The following MSH6 variants were observed in gnomAD, a reference collection of about 807,000 sequenced individuals.
MSH6 encodes the protein DNA mismatch repair protein Msh6.
A neutral mutation model predicts 119.1 loss-of-function variants in MSH6; 85 were observed. The ratio of observed to expected loss-of-function variants is 0.71; its 90% CI spans 0.60 to 0.85. The LOEUF is 0.85. MSH6 is among the 40% of genes least tolerant of loss of function. MSH6 has a pLI of 0.00. For synonymous variants in MSH6, 830 were observed against 586.9 expected, an observed-to-expected ratio of 1.41 and a Z score of -5.99; for missense variants, 2,163 against 1,655.3, an observed-to-expected ratio of 1.31 and a Z score of -5.32.
intron 4 of MSH6, among the ~76,000 whole-genome samples, chr2:47,801,618 C>T (rs887463358): frequency 6.6e-6 from 1 of 151,918 alleles, no homozygotes; most frequent in African/African-American, 2.4e-5. Context: ...ATCCTCCTGC[C>T]TCGGCTTCCC....
rs587781482 is a variant in MSH6 at position 47,805,661 on chromosome 2, A to T, written c.3600A>T (p.Ile1200=). The T allele has an allele frequency of 6.2e-7, 1 of 1,613,714 alleles. No individual in the cohort carries two copies. Among genetic ancestry groups the T allele is most frequent in the Non-Finnish European group, 8.5e-7 (1 of 1,179,828 alleles). ...TTGAATTAAGTGAAACTGCCAGCATACTCATGCATGCAACAGCACATTCTC... is the reference window on the plus strand; with the variant it reads ...TTGAATTAAGTGAAACTGCCAGCATTCTCATGCATGCAACAGCACATTCTC... ...FFVELSETAS[I]LMHATAHSLV... is the part of the protein sequence containing the mutation. Residue 1200 remains isoleucine, a synonymous_variant, in exon 7 of 10, where the codon ATA becomes ATT. Transcript: ENST00000234420.
In MSH6 at chr2:47,783,309, A is replaced by G. The variant is rs757622849; in HGVS notation, c.76A>G (p.Arg26Gly). 1.2e-6 allele frequency: 2 copies of G among 1,611,920 alleles called. No homozygotes were observed. The highest frequency in any genetic ancestry group is 1.3e-5 in the African/African-American group (1 of 74,904). The stretch of plus-strand genomic sequence containing the variant: ...GAGTGATGCCAACAAGGCCTCGGCC[A>G]GGGCCTCACGCGAAGGCGGCCGTGC... ...ALSDANKASARASREGGRAAA... is the reference protein window; with the variant it reads ...ALSDANKASAGASREGGRAAA... Residue 26 changes from arginine to glycine, a missense_variant, in exon 1 of 10, where the codon AGG becomes GGG. Physicochemically the swap from Arg to Gly is moderately radical, Grantham distance 125. Transcript: ENST00000234420.
downstream of MSH6, chr2:47,809,543 T>C: frequency 7.8e-7 from 1 of 1,277,988 alleles, no homozygotes; most frequent in Admixed American, 2.0e-5. Context: ...AAACGGCTTC[T>C]GATTATCTTT....
intron 4 of MSH6, 125 bp downstream of exon 4, chr2:47,801,280 T>G (rs2104446321): frequency 9.8e-7 from 1 of 1,025,056 alleles, no homozygotes; most frequent in Non-Finnish European, 1.5e-6. Context: ...TATACATATT[T>G]GCATCCTGAC....
rs1553330580 is a variant in MSH6 at position 47,801,386 on chromosome 2, T to TG, written c.3172+232dup. 3.5e-5 allele frequency: 17 copies of TG among 490,924 alleles called. 1 individual carries two copies. Among genetic ancestry groups the TG allele is most frequent in the African/African-American group, 2.9e-4 (14 of 47,554 alleles). The allele number at this position is 490,924 out of a possible 1,614,324, so 30.4% of individuals were successfully genotyped here. Reference sequence around the variant, plus strand: ...GTTTTTTTTTTTTTTTTTTTTTTTTTGAGACATGGTCTTGCTCTGTTGCCC... The same window carrying TG: ...GTTTTTTTTTTTTTTTTTTTTTTTTTGGAGACATGGTCTTGCTCTGTTGCCC... On this transcript the variant is annotated intron_variant, in intron 4 of 9. Coordinates refer to ENST00000234420, the MANE Select transcript of MSH6 (RefSeq NM_000179.3).
At chr2:47,789,080 T>G (rs1327321286) in intron 1 of MSH6, among the ~76,000 whole-genome samples, 1 of 151,066 alleles carries the variant, frequency 6.6e-6, no homozygotes, top group Non-Finnish European at 1.5e-5. Context: ...CCTCTGCCAC[T>G]GCACTTGGCT....
rs1060502935 is a variant in MSH6 at position 47,799,967 on chromosome 2, A to G, written c.1984A>G (p.Met662Val). Residue 662 changes from methionine (M) to valine (V), a missense_variant, in exon 4 of 10, where the codon ATG becomes GTG. Met to Val is a conservative substitution (Grantham distance 21). Transcript: ENST00000234420. ...GATGTTACCCCAGGTGCTTAAAGGT[A>G]TGACTTCAGAGTCTGATTCCATTGG... ...GVMLPQVLKG[M>V]TSESDSIGLT... 4 of 1,614,154 alleles carry G rather than the reference A, an allele frequency of 2.5e-6. No homozygotes were observed. The highest frequency in any genetic ancestry group is 2.5e-6 in the Non-Finnish European group (3 of 1,180,034).
At position 47,788,946 on chromosome 2, in the gene MSH6, T is replaced by TTTTTTTTTTTTTTTTTG. The variant is rs1553409740; in HGVS notation, c.261-1980_261-1979insTTTTTTTTTTTTTTTGT. 3.5e-5 allele frequency among the ~76,000 whole-genome samples: 4 copies of TTTTTTTTTTTTTTTTTG among 115,752 alleles called. 1 individual carries two copies. The highest frequency in any genetic ancestry group is 6.9e-5 in the Non-Finnish European group (4 of 57,710). 75.9% of individuals were successfully genotyped at this position (115,752 alleles called of 152,430 possible). On this transcript the variant is annotated intron_variant, in intron 1 of 9. Coordinates refer to ENST00000234420, the MANE Select transcript of MSH6 (RefSeq NM_000179.3). ...TGTTTTTTTTTTTTTTTTTTTTTTT[T>TTTTTTTTTTTTTTTTTG]TGTGAGACGGAGTCTGTCGTCCAGG...
At chr2:47,803,311 A>G (rs2104468544) in intron 4 of MSH6, 109 bp from the exon 5 acceptor site, 1 of 1,432,914 alleles carries the variant, frequency 7.0e-7, no homozygotes. Flanking sequence ...ACTGTAATTG[A>G]AAGTTATGTC....
intron 2 of MSH6, among the ~76,000 whole-genome samples, chr2:47,792,908 G>T (rs1409094049): frequency 2.0e-5 from 3 of 147,200 alleles, no homozygotes; most frequent in Non-Finnish European, 1.5e-5. Flanking sequence ...CCCCAGGGTG[G>T]TCTTGAATTC....
At chr2:47,797,427 AC>A (rs1216265043) in intron 3 of MSH6, among the ~76,000 whole-genome samples, 1 of 152,220 alleles carries the variant, frequency 6.6e-6, no homozygotes, top group Non-Finnish European at 1.5e-5. Flanking sequence ...TTAGCCTAAT[AC>A]TGGTTTAACA....
At chr2:47,783,840 G>A (rs1458619968) in intron 1 of MSH6, 1 of 814,284 alleles carries the variant, frequency 1.2e-6, no homozygotes, top group Non-Finnish European at 1.5e-6. Context: ...GGGGGCCTGG[G>A]AGGTGGGAGC....
intron 3 of MSH6, 130 bp from the exon 4 acceptor site, chr2:47,798,481 T>C (rs1250701314): frequency 1.1e-6 from 1 of 895,132 alleles, no homozygotes; most frequent in Non-Finnish European, 1.7e-6. Context: ...CATCGAATAC[T>C]GTACTAAAAA....
chr2:47,791,184 C>T (rs2104116048), intron 2 of MSH6, 61 bp downstream of exon 2: 1 of 1,475,180 alleles, frequency 6.8e-7, no homozygotes, highest in Non-Finnish European at 9.4e-7. Context: ...GTGAGAGAAA[C>T]AGACAGACAG....
rs376799914 is a variant in MSH6, at chr2:47,804,949, G to C, written c.3478G>C (p.Val1160Leu). 2.5e-6 allele frequency: 4 copies of C among 1,614,064 alleles called. No homozygotes were observed. The highest frequency in any genetic ancestry group is 1.1e-5 in the South Asian group (1 of 91,074). The change falls in exon 6 of 10, where the codon GTC becomes CTC. Residue 1160 changes from valine (V) to leucine (L), a missense_variant. By Grantham distance (32) the Val-to-Leu change is conservative. Transcript: ENST00000234420. ...TGTAATGGCCCAGATGGGTTGTTAC[G>C]TCCCTGCTGAAGTGTGCAGGCTCAC... is the stretch of plus-strand genomic sequence containing the variant. ...LAVMAQMGCYVPAEVCRLTPI... is the reference protein window; with the variant it reads ...LAVMAQMGCYLPAEVCRLTPI...
rs201721694 is a variant in MSH6, at chr2:47,799,574, C to A, written c.1591C>A (p.Pro531Thr). The A allele has an allele frequency of 6.2e-7, 1 of 1,614,112 alleles. No homozygotes were observed. Among genetic ancestry groups the A allele is most frequent in the Non-Finnish European group, 8.5e-7 (1 of 1,180,022 alleles). The change falls in exon 4 of 10, where the codon CCC (proline) becomes ACC (threonine). Residue 531 changes from proline (P) to threonine (T), a missense_variant. Physicochemically the swap from Pro to Thr is conservative, Grantham distance 38. Coordinates refer to ENST00000234420, the MANE Select transcript of MSH6 (RefSeq NM_000179.3). Reference protein sequence around the residue: ...TQTYSVLEGDPSENYSKYLLS... With the variant: ...TQTYSVLEGDTSENYSKYLLS... ...GACTTACAGTGTGCTGGAAGGTGAT[C>A]CCTCTGAGAACTACAGTAAGTATCT...
In MSH6 at chr2:47,791,049, G is replaced by A. The variant is rs63750143; in HGVS notation, c.383G>A (p.Arg128His). 6.2e-7 allele frequency: 1 copy of A among 1,614,226 alleles called. No homozygotes were observed. Among genetic ancestry groups the A allele is most frequent in the Non-Finnish European group, 8.5e-7 (1 of 1,180,046 alleles). Residue 128 changes from arginine (R) to histidine (H), a missense_variant, in exon 2 of 10, where the codon CGT (arginine) becomes CAT (histidine). Arg to His is a conservative substitution (Grantham distance 29). Transcript: ENST00000234420. ...ATCCGCGAGAAAGGGAAATCAGTCC[G>A]TGTTCATGTACAGTTTTTTGATGAC... ...TFIREKGKSV[R>H]VHVQFFDDSP... is the part of the protein sequence containing the mutation.
downstream of MSH6, chr2:47,808,510 C>G: frequency 7.8e-7 from 1 of 1,289,766 alleles, no homozygotes; most frequent in Non-Finnish European, 1.0e-6. Flanking sequence ...TTACTATGAC[C>G]TTTGGCTTTA....
At position 47,799,359 on chromosome 2, in the gene MSH6, C is replaced by G. The variant is rs587782346; in HGVS notation, c.1376C>G (p.Ser459Cys). The change falls in exon 4 of 10, where the codon TCT becomes TGT. Residue 459 changes from serine to cysteine, a missense_variant. Transcript: ENST00000234420. Reference sequence around the variant, plus strand: ...TTCATGAAAGGCAACTGGGCCCATTCTGGCTTTCCTGAAATTGCATTTGGC... The same window carrying G: ...TTCATGAAAGGCAACTGGGCCCATTGTGGCTTTCCTGAAATTGCATTTGGC... The part of the protein sequence containing the change: ...LVFMKGNWAH[S>C]GFPEIAFGRY... The G allele has an allele frequency of 1.1e-5, 18 of 1,613,964 alleles. No homozygotes were observed. The highest frequency in any genetic ancestry group is 1.2e-5 in the Non-Finnish European group (14 of 1,180,036).
Sources: allele counts gnomAD v4.1 joint callset (sites outside exome capture counted in the v4.1 genomes callset), GRCh38; gene constraint gnomAD v4.1.1; transcripts MANE v1.5; gene names NCBI Gene and HGNC (gene_info 2026-07-23, HGNC 2026-07-21).